SYNDIG1: variants seen among roughly 807,000 people sequenced by gnomAD.
SYNDIG1 encodes the protein synapse differentiation-inducing gene protein 1.
A neutral mutation model predicts 19.4 loss-of-function variants in SYNDIG1; 9 were observed. That is an observed-to-expected ratio of 0.46 (90% CI 0.28 to 0.81). The LOEUF (loss-of-function observed/expected upper bound fraction) is 0.81. SYNDIG1 is among the 30% of genes least tolerant of loss of function. SYNDIG1 has a pLI of 0.12. For missense variants in SYNDIG1, 311 were observed against 343.3 expected (o/e 0.91, Z 0.74); for synonymous variants, 141 against 145.9 (o/e 0.97, Z 0.24).
chr20:24,521,026 G>C (rs769516247), intron 1 of SYNDIG1, among the ~76,000 whole-genome samples: 11 of 152,104 alleles, frequency 7.2e-5, no homozygotes, highest in Non-Finnish European at 1.0e-4. Flanking sequence ...GTCTGTGAGT[G>C]TGACTATTCT....
intron 3 of SYNDIG1, among the ~76,000 whole-genome samples, chr20:24,648,693 C>T (rs1431521501): frequency 1.3e-5 from 2 of 152,186 alleles, no homozygotes; most frequent in Admixed American, 1.3e-4. Context: ...TTGGAAGTTG[C>T]TAAGCAACCC....
At position 24,543,161 on chromosome 20, in the gene SYNDIG1, A is replaced by G; in HGVS notation, c.64A>G (p.Arg22Gly). The stretch of plus-strand genomic sequence containing the variant: ...CAGTAAAATCAGTGATGCTGGCAAG[A>G]GGAATGGTTTAATTAACACCAGAAA... ...VHSKISDAGK[R>G]NGLINTRNLM... The change falls in exon 2 of 4, where the codon AGG (arginine) becomes GGG (glycine). Residue 22 changes from arginine to glycine, a missense_variant. Physicochemically the swap from Arg to Gly is moderately radical, Grantham distance 125. Transcript: ENST00000376862. 1 of 1,614,138 alleles carries G rather than the reference A, an allele frequency of 6.2e-7. No individual in the cohort carries two copies. Among genetic ancestry groups the G allele is most frequent in the Non-Finnish European group, 8.5e-7 (1 of 1,180,024 alleles).
chr20:24,654,916 A>T (rs1600833579), intron 3 of SYNDIG1, among the ~76,000 whole-genome samples: 2 of 152,204 alleles, frequency 1.3e-5, no homozygotes, highest in East Asian at 3.8e-4. Flanking sequence ...CCAAAGTGGA[A>T]TTCTATACTT....
At chr20:24,561,760 A>G (rs956693499) in intron 2 of SYNDIG1, among the ~76,000 whole-genome samples, 3 of 152,068 alleles carry the variant, frequency 2.0e-5, no homozygotes, top group Non-Finnish European at 4.4e-5. Flanking sequence ...CCAGGATACT[A>G]TCTAAGCGCT....
intron 1 of SYNDIG1, among the ~76,000 whole-genome samples, chr20:24,537,818 G>T (rs764867107): frequency 1.3e-5 from 2 of 152,130 alleles, no homozygotes; most frequent in Admixed American, 6.5e-5. Context: ...GCCGTCACCT[G>T]TGGTTCCTTG....
intron 3 of SYNDIG1, among the ~76,000 whole-genome samples, chr20:24,620,969 C>T (rs2059029004): frequency 6.6e-6 from 1 of 152,116 alleles, no homozygotes; most frequent in Non-Finnish European, 1.5e-5. Flanking sequence ...CTCTCAGGTG[C>T]CCGTTGGCAT....
At chr20:24,584,027 A>G (rs1056815351) in intron 2 of SYNDIG1, among the ~76,000 whole-genome samples, 5 of 152,174 alleles carry the variant, frequency 3.3e-5, no homozygotes, top group Non-Finnish European at 1.5e-5. Flanking sequence ...CCTGAACCTA[A>G]AAAAAACTTT....
chr20:24,585,056 G>GGGCCCCCCCCC, intron 3 of SYNDIG1, 63 bp downstream of exon 3: 1 of 545,664 alleles, frequency 1.8e-6, no homozygotes, highest in Non-Finnish European at 3.4e-6. Context: ...GGTGGGGGCG[G>GGGCCCCCCCCC]CAATCCCAGC....
At chr20:24,661,345 G>A (rs1450865771) in intron 3 of SYNDIG1, among the ~76,000 whole-genome samples, 3 of 125,468 alleles carry the variant, frequency 2.4e-5, no homozygotes, top group Admixed American at 1.5e-4. Flanking sequence ...GGAGGAAGGA[G>A]GGAGAGAGGA....
At chr20:24,483,205 CGCA>C (rs1432186804) in intron 1 of SYNDIG1, among the ~76,000 whole-genome samples, 1 of 152,092 alleles carries the variant, frequency 6.6e-6, no homozygotes, top group Non-Finnish European at 1.5e-5. Context: ...TGCAGTGTGA[CGCA>C]GCAGGAGTCC....
At chr20:24,624,481 G>A (rs75744117) in intron 3 of SYNDIG1, among the ~76,000 whole-genome samples, 14 of 152,208 alleles carry the variant, frequency 9.2e-5, no homozygotes, top group African/African-American at 2.4e-4. Context: ...TGAAGGGTTC[G>A]ATTATCTAAG....
Position 24,592,576 on chromosome 20 carries a change from G to T in SYNDIG1, c.618+7583G>T, listed in dbSNP as rs148375022. ...CTAATCAACAGGGCCATCATAATCA[G>T]ACTTGGATGATTTGCCCCCACTTTC... On this transcript the variant is annotated intron_variant, in intron 3 of 3. Transcript: ENST00000376862. 3.8e-3 allele frequency among the ~76,000 whole-genome samples: 579 copies of T among 152,246 alleles called. 3 individuals are homozygous for T. The highest frequency in any genetic ancestry group is 0.013 in the African/African-American group (555 of 41,544).
intron 3 of SYNDIG1, among the ~76,000 whole-genome samples, chr20:24,590,658 G>T (rs2147070414): frequency 6.6e-6 from 1 of 152,242 alleles, no homozygotes; most frequent in South Asian, 2.1e-4. Context: ...GGATGCCCTG[G>T]ACCAGGGGTT....
chr20:24,526,471 C>G (rs185469230), intron 1 of SYNDIG1, among the ~76,000 whole-genome samples: 1 of 152,104 alleles, frequency 6.6e-6, no homozygotes, highest in Admixed American at 6.5e-5. Context: ...ACTTCTGGAA[C>G]ATTAAAAGAA....
chr20:24,537,576 G>A (rs1005551269), intron 1 of SYNDIG1, among the ~76,000 whole-genome samples: 7 of 151,600 alleles, frequency 4.6e-5, no homozygotes, highest in African/African-American at 7.3e-5. Flanking sequence ...TTGTTTTCTC[G>A]GTATGGTATA....
intron 2 of SYNDIG1, among the ~76,000 whole-genome samples, chr20:24,568,900 A>G (rs1415529060): frequency 2.6e-5 from 4 of 151,982 alleles, no homozygotes; most frequent in Non-Finnish European, 5.9e-5. Flanking sequence ...CACCACCTCC[A>G]CTCATCAGCT....
intron 3 of SYNDIG1, among the ~76,000 whole-genome samples, chr20:24,643,400 A>T (rs2059397419): frequency 6.6e-6 from 1 of 152,156 alleles, no homozygotes; most frequent in African/African-American, 2.4e-5. Flanking sequence ...TTTATCAGCT[A>T]GAGTGCCGTG....
At chr20:24,616,455 C>T (rs1442554204) in intron 3 of SYNDIG1, among the ~76,000 whole-genome samples, 1 of 152,252 alleles carries the variant, frequency 6.6e-6, no homozygotes, top group Non-Finnish European at 1.5e-5. Flanking sequence ...GAAATAAGCT[C>T]CCATTCCAGA....
intron 3 of SYNDIG1, among the ~76,000 whole-genome samples, chr20:24,632,778 A>G (rs890421284): frequency 1.3e-5 from 2 of 152,200 alleles, no homozygotes; most frequent in African/African-American, 4.8e-5. Flanking sequence ...AGACCTGTAA[A>G]TAATTGTGGC....
Sources: gnomAD v4.1 joint callset for allele counts (sites outside exome capture counted in the v4.1 genomes callset) on GRCh38, gnomAD v4.1.1 for gene constraint, MANE v1.5 for transcripts, NCBI Gene and HGNC (gene_info 2026-07-23, HGNC 2026-07-21) for gene names.